The following TERB1 variants were observed in gnomAD, a reference collection of about 807,000 sequenced individuals.
TERB1 encodes telomere repeats-binding bouquet formation protein 1.
Under a neutral mutation model 92.3 loss-of-function variants are expected in TERB1, and 63 were observed. The ratio of observed to expected loss-of-function variants is 0.68; its 90% CI spans 0.56 to 0.84. The LOEUF (loss-of-function observed/expected upper bound fraction) is 0.84, where lower values mean the gene tolerates loss of function less well. Among genes scored for constraint, TERB1 ranks in the 40% least tolerant of loss-of-function variants. The pLI is 0.00. For missense variants in TERB1, 709 were observed against 843.7 expected, an observed-to-expected ratio of 0.84 and a Z score of 1.98; for synonymous variants, 252 against 283.9, an observed-to-expected ratio of 0.89 and a Z score of 1.13.
chr16:66,762,392 G>A (rs1013642867), intron 16 of TERB1, among the ~76,000 whole-genome samples: 1 of 151,644 alleles, frequency 6.6e-6, no homozygotes, highest in African/African-American at 2.4e-5. Context: ...TTGTTTGTTT[G>A]TTTTTTTTCC....
chr16:66,792,008 A>G (rs1445471851), intron 3 of TERB1, among the ~76,000 whole-genome samples: 1 of 152,214 alleles, frequency 6.6e-6, no homozygotes, highest in Non-Finnish European at 1.5e-5. Flanking sequence ...AGTTTCCCTC[A>G]TGAACATACA....
At chr16:66,801,897 C>A (rs181829988), upstream of TERB1, among the ~76,000 whole-genome samples, 1 of 152,360 alleles carries the variant, frequency 6.6e-6, no homozygotes, top group Non-Finnish European at 1.5e-5. Context: ...GAAGCCCCAA[C>A]CTCCCCTCCA....
In TERB1 at chr16:66,759,141, T is replaced by G. The variant is rs1357020986; in HGVS notation, c.1930A>C (p.Lys644Gln). ...ELRKSLICNKKILLTPRRRQR... is the reference protein window; with the variant it reads ...ELRKSLICNKQILLTPRRRQR... ...ATTTTAAAGCTGCTGAATTAATTAC[T>G]TTTGTTACAGATAAGTGATTTCCTT... The change falls in exon 17 of 19, where the codon AAA (lysine) becomes CAA (glutamine). Residue 644 changes from lysine (K) to glutamine (Q), a missense_variant and splice_region_variant. Physicochemically the swap from Lys to Gln is moderately conservative, Grantham distance 53. Coordinates refer to ENST00000433154, the MANE Select transcript of TERB1 (RefSeq NM_001136505.2). 4 of 1,537,500 alleles carry G rather than the reference T, an allele frequency of 2.6e-6. No homozygotes were observed. Among genetic ancestry groups the G allele is most frequent in the Non-Finnish European group, 3.5e-6 (4 of 1,142,736 alleles).
chr16:66,788,069 CA>C (rs1235660218), intron 6 of TERB1, 99 bp downstream of exon 6: 2 of 1,025,810 alleles, frequency 1.9e-6, no homozygotes, highest in Non-Finnish European at 2.6e-6. Flanking sequence ...TCCAAAAACA[CA>C]AAAAAACAAA....
intron 9 of TERB1, among the ~76,000 whole-genome samples, chr16:66,781,246 A>G (rs186217905): frequency 4.9e-4 from 74 of 152,242 alleles, no homozygotes; most frequent in Admixed American, 9.2e-4. Flanking sequence ...TTGTAGAGAC[A>G]AGGTCTCACT....
chr16:66,776,871 G>C (rs1355108288), intron 11 of TERB1, among the ~76,000 whole-genome samples: 1 of 151,856 alleles, frequency 6.6e-6, no homozygotes, highest in Admixed American at 6.6e-5. Flanking sequence ...AGAAGGGAAG[G>C]AGCTTTCTCC....
intron 2 of TERB1, among the ~76,000 whole-genome samples, chr16:66,798,694 C>T (rs561059127): frequency 1.8e-4 from 27 of 152,286 alleles, no homozygotes; most frequent in African/African-American, 6.3e-4. Context: ...ATAAGACTGG[C>T]TAGAAAGACG....
intron 13 of TERB1, among the ~76,000 whole-genome samples, chr16:66,771,968 C>T (rs370451180): frequency 2.0e-5 from 3 of 152,238 alleles, no homozygotes; most frequent in East Asian, 3.9e-4. Context: ...TTTTCTCTTT[C>T]TTGAACCCCA....
chr16:66,768,669 G>A (rs1256333295), intron 14 of TERB1, among the ~76,000 whole-genome samples: 2 of 152,200 alleles, frequency 1.3e-5, no homozygotes, highest in African/African-American at 2.4e-5. Flanking sequence ...GGCAAGAACT[G>A]TAGATCAGAT....
intron 16 of TERB1, 34 bp downstream of exon 16, chr16:66,767,381 A>G (rs2018364683): frequency 1.7e-6 from 2 of 1,196,820 alleles, no homozygotes; most frequent in Non-Finnish European, 2.4e-6. Context: ...AAAGGCTTTG[A>G]CTGTGAAACA....
chr16:66,781,644 T>G (rs2018638955), intron 9 of TERB1, among the ~76,000 whole-genome samples: 1 of 151,570 alleles, frequency 6.6e-6, no homozygotes, highest in African/African-American at 2.4e-5. Flanking sequence ...CTCAGCCTCT[T>G]GAGTAGCTGG....
At chr16:66,793,719 C>T (rs1000907407) in intron 3 of TERB1, among the ~76,000 whole-genome samples, 1 of 151,998 alleles carries the variant, frequency 6.6e-6, no homozygotes, top group African/African-American at 2.4e-5. Context: ...CACCATATTG[C>T]CCAGGGTGGT....
chr16:66,766,117 C>T (rs894504832), intron 16 of TERB1, among the ~76,000 whole-genome samples: 2 of 150,466 alleles, frequency 1.3e-5, no homozygotes, highest in Non-Finnish European at 3.0e-5. Context: ...ATGATCCACC[C>T]GCCTCGGCCT....
chr16:66,802,011 GGA>G (rs1203650628), upstream of TERB1, among the ~76,000 whole-genome samples: 1 of 152,204 alleles, frequency 6.6e-6, no homozygotes. Context: ...GGGGGCTTCC[GGA>G]GTTCAGTCCA....
chr16:66,758,558 T>C (rs2018174239), intron 18 of TERB1: 1 of 402,728 alleles, frequency 2.5e-6, no homozygotes, highest in East Asian at 6.0e-5. Flanking sequence ...CTGGCCAACA[T>C]GGTGAAACCC....
Position 66,790,641 on chromosome 16 carries a change from T to C in TERB1, c.225A>G (p.Val75=), listed in dbSNP as rs1872440731. 1 of 1,550,766 alleles carries C rather than the reference T, an allele frequency of 6.4e-7. No homozygotes were observed. The highest frequency in any genetic ancestry group is 8.7e-7 in the Non-Finnish European group (1 of 1,146,356). The change falls in exon 5 of 19, where the codon GTA becomes GTG. Residue 75 remains valine (V), a synonymous_variant. Coordinates refer to ENST00000433154, the MANE Select transcript of TERB1 (RefSeq NM_001136505.2). ...CTAATGTATATAAGGCTGCTTCTTT[T>C]ACCATGCTATGTTCACTTGACTTTG... The part of the protein sequence containing the change: ...NLAKSSEHSM[V]KEAALYTLGA...
chr16:66,772,194 TA>T (rs1281456929), intron 13 of TERB1, among the ~76,000 whole-genome samples: 3 of 152,254 alleles, frequency 2.0e-5, no homozygotes, highest in African/African-American at 7.2e-5. Context: ...TGTTAAAAAA[TA>T]TTGGCTGGGC....
At chr16:66,786,196 T>G (rs1196823512) in intron 7 of TERB1, 29 bp downstream of exon 7, 3 of 1,538,068 alleles carry the variant, frequency 2.0e-6, no homozygotes, top group Non-Finnish European at 2.6e-6. Flanking sequence ...TAATGAATAA[T>G]TAACAAAAAG....
chr16:66,769,170 G>C (rs892719108), intron 14 of TERB1, among the ~76,000 whole-genome samples: 3 of 152,002 alleles, frequency 2.0e-5, no homozygotes, highest in Non-Finnish European at 4.4e-5. Context: ...GGAGAAAGAA[G>C]GGTATGGGTG....
Sources: gnomAD v4.1 joint callset for allele counts (sites outside exome capture counted in the v4.1 genomes callset) on GRCh38, gnomAD v4.1.1 for gene constraint, MANE v1.5 for transcripts, NCBI Gene and HGNC (gene_info 2026-07-23, HGNC 2026-07-21) for gene names.